Variants in PLXDC2 observed in about 807,000 individuals in gnomAD.
The protein encoded by PLXDC2 is plexin domain containing 2.
In PLXDC2, 40 loss-of-function variants were observed where a neutral mutation model predicts 68.9. The ratio of observed to expected loss-of-function variants is 0.58; its 90% CI spans 0.45 to 0.76. The LOEUF (loss-of-function observed/expected upper bound fraction) is 0.76. Among genes scored for constraint, PLXDC2 ranks in the 30% least tolerant of loss-of-function variants. PLXDC2 has a pLI of 0.00. For synonymous variants in PLXDC2, 243 were observed against 234.2 expected, an observed-to-expected ratio of 1.04 and a Z score of -0.34; for missense variants, 644 against 661.9, an observed-to-expected ratio of 0.97 and a Z score of 0.30.
chr10:20,147,445 C>G (rs997026949), intron 5 of PLXDC2, among the ~76,000 whole-genome samples: 1 of 152,174 alleles, frequency 6.6e-6, no homozygotes, highest in African/African-American at 2.4e-5. Flanking sequence ...ATTCAATCCA[C>G]TTGGGCTGCA....
intron 1 of PLXDC2, among the ~76,000 whole-genome samples, chr10:19,909,213 AG>A (rs1476988258): frequency 6.6e-6 from 1 of 152,198 alleles, no homozygotes. Flanking sequence ...TCAAAACCTC[AG>A]GGATGTTGGT....
chr10:20,269,059 CA>C (rs1835904156), intron 13 of PLXDC2, among the ~76,000 whole-genome samples: 1 of 152,110 alleles, frequency 6.6e-6, no homozygotes, highest in Admixed American at 6.6e-5. Context: ...GAAAATTAGT[CA>C]AAACCAAAGA....
chr10:19,997,001 A>ACAG (rs1834856189), intron 1 of PLXDC2, among the ~76,000 whole-genome samples: 2 of 152,220 alleles, frequency 1.3e-5, no homozygotes, highest in Non-Finnish European at 2.9e-5. Context: ...GGGTGGGGAC[A>ACAG]CAGCCAAACC....
At chr10:20,149,229 C>CCTTTTTT (rs1834120053) in intron 6 of PLXDC2, among the ~76,000 whole-genome samples, 1 of 34,938 alleles carries the variant, frequency 2.9e-5, no homozygotes, top group Admixed American at 5.5e-4. Context: ...TTTTTCTTTT[C>CCTTTTTT]TTTTTTTTTT....
At chr10:19,817,253 T>G in intron 1 of PLXDC2, 62 bp downstream of exon 1, 7 of 1,308,964 alleles carry the variant, frequency 5.3e-6, no homozygotes, top group Non-Finnish European at 7.5e-6. Context: ...TCTGGCACTC[T>G]CGTGCTCCCT....
chr10:20,061,836 A>T (rs182826819), intron 3 of PLXDC2, among the ~76,000 whole-genome samples: 6 of 152,360 alleles, frequency 3.9e-5, no homozygotes, highest in Non-Finnish European at 8.8e-5. Context: ...TTCTATTAGA[A>T]AAACAATTTA....
chr10:20,093,676 A>G (rs771749950), intron 4 of PLXDC2, among the ~76,000 whole-genome samples: 1 of 152,144 alleles, frequency 6.6e-6, no homozygotes, highest in African/African-American at 2.4e-5. Flanking sequence ...TTTATCTTGT[A>G]TTTATTTATT....
chr10:19,999,147 A>G (rs1834887687), intron 1 of PLXDC2, among the ~76,000 whole-genome samples: 1 of 152,202 alleles, frequency 6.6e-6, no homozygotes, highest in Non-Finnish European at 1.5e-5. Context: ...CTCCAGTATT[A>G]GGCATTCCGT....
chr10:19,874,388 A>G (rs1195985194), intron 1 of PLXDC2, among the ~76,000 whole-genome samples: 2 of 152,178 alleles, frequency 1.3e-5, no homozygotes, highest in East Asian at 3.9e-4. Context: ...CTTTCTAGAA[A>G]TAGAGTCTTC....
chr10:20,003,035 A>T (rs1185519331), intron 2 of PLXDC2, among the ~76,000 whole-genome samples: 1 of 152,188 alleles, frequency 6.6e-6, no homozygotes. Context: ...GAATGGTCAG[A>T]GAACAGTTTG....
chr10:20,054,818 C>T (rs557042644), intron 3 of PLXDC2, among the ~76,000 whole-genome samples: 18 of 151,788 alleles, frequency 1.2e-4, no homozygotes, highest in African/African-American at 4.1e-4. Flanking sequence ...CTAACCTTCA[C>T]GTTGTGCACA....
At chr10:19,926,260 T>C (rs1439169277) in intron 1 of PLXDC2, among the ~76,000 whole-genome samples, 1 of 152,220 alleles carries the variant, frequency 6.6e-6, no homozygotes, top group Non-Finnish European at 1.5e-5. Flanking sequence ...TGACTTTTAT[T>C]CATGCTTGGC....
rs550205861 is a variant in PLXDC2 at position 20,227,920 on chromosome 10, A to C, written c.1312+8818A>C. ...ATAAAAAAAGAGAATGCACAAGAGA[A>C]GTATTTACTAATGAAGTAGAAGCTA... is the stretch of plus-strand genomic sequence containing the variant. On this transcript the variant is annotated intron_variant, in intron 12 of 13. Coordinates refer to ENST00000377252, the MANE Select transcript of PLXDC2 (RefSeq NM_032812.9). Among the ~76,000 whole-genome samples, 10 of 152,280 alleles carry C rather than the reference A, an allele frequency of 6.6e-5. No homozygotes were observed. In the South Asian group the frequency reaches 1.0e-3, roughly 16 times the overall value.
At chr10:19,886,808 T>A (rs2131356109) in intron 1 of PLXDC2, among the ~76,000 whole-genome samples, 1 of 152,324 alleles carries the variant, frequency 6.6e-6, no homozygotes, top group African/African-American at 2.4e-5. Context: ...GAAAAAATTC[T>A]GTAATTCTGA....
chr10:20,082,959 G>A (rs899914559), intron 4 of PLXDC2, among the ~76,000 whole-genome samples: 17 of 152,080 alleles, frequency 1.1e-4, no homozygotes, highest in Non-Finnish European at 2.2e-4. Flanking sequence ...ATGTATGTAT[G>A]TATGTATGTA....
intron 2 of PLXDC2, among the ~76,000 whole-genome samples, chr10:20,042,709 C>T (rs1240311053): frequency 1.3e-5 from 2 of 152,158 alleles, no homozygotes; most frequent in Admixed American, 6.5e-5. Flanking sequence ...AGTCAACACA[C>T]CCATGCTAGA....
intron 12 of PLXDC2, among the ~76,000 whole-genome samples, chr10:20,230,651 G>T (rs73605612): frequency 7.7e-6 from 1 of 129,130 alleles, no homozygotes; most frequent in Non-Finnish European, 1.6e-5. Flanking sequence ...CATGGTGAGC[G>T]CATGGTCACA....
chr10:20,260,226 C>T (rs1017108307), intron 13 of PLXDC2, among the ~76,000 whole-genome samples: 1 of 152,168 alleles, frequency 6.6e-6, no homozygotes, highest in Non-Finnish European at 1.5e-5. Flanking sequence ...ATGCCCTTAA[C>T]ATATTTTCAG....
rs1289286732 is a variant in PLXDC2, at chr10:20,285,785, T to G, written c.*5966T>G. On this transcript the variant is annotated 3_prime_UTR_variant, in exon 14 of 14. Transcript: ENST00000377252. ...AAAGCATTTGCACTTTAGGTGTGTG[T>G]GGTGGTTATGTCATTTATTAGACCA... 6.6e-6 allele frequency: 1 copy of G among 152,174 alleles called. No homozygotes were observed. Among genetic ancestry groups the G allele is most frequent in the Non-Finnish European group, 1.5e-5 (1 of 68,010 alleles). The allele number at this position is 152,174 out of a possible 1,614,324, so 9.4% of individuals were successfully genotyped here. A position where few individuals can be genotyped will look rare whatever the true frequency, so the allele number is the denominator to read the frequency against.
Sources: allele counts gnomAD v4.1 joint callset (sites outside exome capture counted in the v4.1 genomes callset), GRCh38; gene constraint gnomAD v4.1.1; transcripts MANE v1.5; gene names NCBI Gene and HGNC (gene_info 2026-07-23, HGNC 2026-07-21).